Variants in EFCAB11 observed in about 807,000 individuals in gnomAD.
EFCAB11 encodes the protein EF-hand calcium-binding domain-containing protein 11.
In EFCAB11, 14 loss-of-function variants were observed where a neutral mutation model predicts 23.0. The observed-to-expected ratio is 0.61, with a 90% CI of 0.40 to 0.95. The LOEUF (loss-of-function observed/expected upper bound fraction) is 0.95, where lower values mean the gene tolerates loss of function less well. Ranked by LOEUF, EFCAB11 falls within the 40% of genes least tolerant of loss-of-function variation. EFCAB11 has a pLI of 0.00. For synonymous variants in EFCAB11, 65 were observed against 66.6 expected (o/e 0.98, Z 0.11); for missense variants, 198 against 195.8 (o/e 1.01, Z -0.07).
At chr14:89,937,447 A>AT (rs527670589) in intron 3 of EFCAB11, among the ~76,000 whole-genome samples, 183 of 152,200 alleles carry the variant, frequency 1.2e-3, no homozygotes, top group Non-Finnish European at 1.9e-3. Flanking sequence ...AAGTCCATGC[A>AT]TTTTTTTGTA....
At chr14:89,942,960 C>T (rs532669399) in intron 3 of EFCAB11, among the ~76,000 whole-genome samples, 5 of 152,262 alleles carry the variant, frequency 3.3e-5, no homozygotes, top group East Asian at 1.9e-4. Context: ...GGTATAATCC[C>T]GAACCCAAAG....
At chr14:89,940,164 T>C (rs1224991019) in intron 3 of EFCAB11, among the ~76,000 whole-genome samples, 2 of 152,242 alleles carry the variant, frequency 1.3e-5, no homozygotes, top group Non-Finnish European at 2.9e-5. Flanking sequence ...GATGGGTGAA[T>C]ATCTGTAGGA....
intron 5 of EFCAB11, among the ~76,000 whole-genome samples, chr14:89,856,332 G>T (rs900398956): frequency 3.3e-5 from 5 of 151,962 alleles, no homozygotes; most frequent in African/African-American, 1.2e-4. Context: ...GGGACTACAG[G>T]CGCGTGCCAC....
chr14:89,896,100 T>C (rs59420282), intron 5 of EFCAB11, among the ~76,000 whole-genome samples: 9,588 of 152,198 alleles, frequency 0.063, 993 homozygotes, highest in African/African-American at 0.22. Flanking sequence ...TTAAGAAGTC[T>C]GGCGGCCGGG....
chr14:89,888,606 G>A (rs1888865216), intron 5 of EFCAB11, among the ~76,000 whole-genome samples: 1 of 152,206 alleles, frequency 6.6e-6, no homozygotes, highest in South Asian at 2.1e-4. Flanking sequence ...CCATGATCCA[G>A]ACACCTCCCA....
At chr14:89,921,160 TGGGA>T (rs966027236) in intron 5 of EFCAB11, among the ~76,000 whole-genome samples, 1 of 150,096 alleles carries the variant, frequency 6.7e-6, no homozygotes, top group African/African-American at 2.5e-5. Context: ...GATGGGGTAG[TGGGA>T]GGAAGAGGAA....
intron 5 of EFCAB11, among the ~76,000 whole-genome samples, chr14:89,869,473 C>T (rs974323841): frequency 6.6e-6 from 1 of 152,134 alleles, no homozygotes; most frequent in African/African-American, 2.4e-5. Context: ...AAGACATTCT[C>T]ACTTCTATGA....
intron 5 of EFCAB11, among the ~76,000 whole-genome samples, chr14:89,925,374 A>C (rs1272948647): frequency 6.6e-6 from 1 of 152,206 alleles, no homozygotes; most frequent in African/African-American, 2.4e-5. Flanking sequence ...AAAACAAAAG[A>C]TAGCACTACA....
At chr14:89,945,621 T>C (rs139248994) in intron 3 of EFCAB11, among the ~76,000 whole-genome samples, 185 of 152,360 alleles carry the variant, frequency 1.2e-3, no homozygotes, top group African/African-American at 4.4e-3. Flanking sequence ...TTTAAATGTA[T>C]TGACATGTTT....
chr14:89,822,958 A>C (rs1365970589), intron 5 of EFCAB11, among the ~76,000 whole-genome samples: 1 of 152,152 alleles, frequency 6.6e-6, no homozygotes, highest in Non-Finnish European at 1.5e-5. Context: ...AAGACATCAA[A>C]ATCCTGCTAC....
At position 89,796,191 on chromosome 14, in the gene EFCAB11, A is replaced by ATAGCCCGAGAGGGCTTGCTCG; in HGVS notation, c.*1051_*1052insCGAGCAAGCCCTCTCGGGCTA. On this transcript the variant is annotated 3_prime_UTR_variant, in exon 6 of 6. Transcript: ENST00000316738. The stretch of plus-strand genomic sequence containing the variant: ...GTATATAGCCCGAGAGGGCTTGCTC[A>ATAGCCCGAGAGGGCTTGCTCG]TGTTAGCCCAAGCCGATTTCTTTGT... 1 of 152,404 alleles carries ATAGCCCGAGAGGGCTTGCTCG rather than the reference A, an allele frequency of 6.6e-6. No homozygotes were observed. The highest frequency in any genetic ancestry group is 6.5e-5 in the Admixed American group (1 of 15,308). The allele number at this position is 152,404 out of a possible 1,614,324, so 9.4% of individuals were successfully genotyped here. A position where few individuals can be genotyped will look rare whatever the true frequency, so the allele number is the denominator to read the frequency against.
intron 3 of EFCAB11, 67 bp from the exon 4 acceptor site, chr14:89,932,694 G>T (rs1566817289): frequency 8.4e-7 from 1 of 1,196,670 alleles, no homozygotes; most frequent in South Asian, 1.2e-5. Context: ...AAATTAAACA[G>T]AAATGGACAG....
intron 5 of EFCAB11, chr14:89,836,708 T>C: frequency 4.4e-6 from 2 of 456,134 alleles, no homozygotes; most frequent in South Asian, 3.1e-5. Context: ...TAGTTTACCT[T>C]GATTTATAAT....
At chr14:89,917,053 CGTGTGTGTGTGTGTGTGTGTGTGT>C (rs71107570) in intron 5 of EFCAB11, among the ~76,000 whole-genome samples, 17 of 136,726 alleles carry the variant, frequency 1.2e-4, no homozygotes, top group Non-Finnish European at 2.2e-4. Context: ...TGACATGCTT[CGTGTGTGTGTGTGTGTGTGTGTGT>C]GTGTGTGTGT....
At chr14:89,948,389 T>C (rs977921012) in intron 3 of EFCAB11, among the ~76,000 whole-genome samples, 5 of 152,224 alleles carry the variant, frequency 3.3e-5, no homozygotes, top group Non-Finnish European at 7.3e-5. Context: ...CTGGTAGGCA[T>C]GTAAATTAGT....
At chr14:89,924,635 T>A in intron 5 of EFCAB11, 1 of 1,535,664 alleles carries the variant, frequency 6.5e-7, no homozygotes, top group East Asian at 2.4e-5. Flanking sequence ...TTAAGTCAGC[T>A]TCCTGATGAC....
At chr14:89,851,775 G>A (rs1468711545) in intron 5 of EFCAB11, among the ~76,000 whole-genome samples, 1 of 152,130 alleles carries the variant, frequency 6.6e-6, no homozygotes, top group East Asian at 1.9e-4. Flanking sequence ...CAGGAGCTTT[G>A]GGATCATCAT....
At chr14:89,933,042 GT>G (rs952575924) in intron 3 of EFCAB11, among the ~76,000 whole-genome samples, 2 of 152,098 alleles carry the variant, frequency 1.3e-5, no homozygotes, top group Admixed American at 6.6e-5. Context: ...ACTATGGCAG[GT>G]TTTTTTCCAA....
chr14:89,821,384 A>T lies in EFCAB11; in HGVS notation c.411-24060T>A, dbSNP rs58867355. ...GCCAGCCCCCACAATCCTGCAAGCC[A>T]GTTCCTTAAAACCAGTCTTTCTCCC... On this transcript the variant is annotated intron_variant, in intron 5 of 5. Transcript: ENST00000316738. Among the ~76,000 whole-genome samples, 995 of 152,288 alleles carry T rather than the reference A, an allele frequency of 6.5e-3. 8 individuals are homozygous for T. Among genetic ancestry groups the T allele is most frequent in the African/African-American group, 0.023 (957 of 41,562 alleles).
Sources: allele counts gnomAD v4.1 joint callset (sites outside exome capture counted in the v4.1 genomes callset), GRCh38; gene constraint gnomAD v4.1.1; transcripts MANE v1.5; gene names NCBI Gene and HGNC (gene_info 2026-07-23, HGNC 2026-07-21).